DUSP10: variants seen among roughly 807,000 people sequenced by gnomAD.
The protein encoded by DUSP10 is dual specificity protein phosphatase 10.
A neutral mutation model predicts 30.8 loss-of-function variants in DUSP10; 14 were observed. The ratio of observed to expected loss-of-function variants is 0.46; its 90% CI spans 0.30 to 0.71. DUSP10 has a LOEUF of 0.71. Among genes scored for constraint, DUSP10 ranks in the 30% least tolerant of loss-of-function variants. The pLI is 0.08. For synonymous variants in DUSP10, 254 were observed against 250.4 expected, an observed-to-expected ratio of 1.01 and a Z score of -0.14; for missense variants, 550 against 619.4, an observed-to-expected ratio of 0.89 and a Z score of 1.19.
intron 2 of DUSP10, among the ~76,000 whole-genome samples, chr1:221,717,160 A>T (rs1256249054): frequency 6.6e-6 from 1 of 152,158 alleles, no homozygotes; most frequent in African/African-American, 2.4e-5. Context: ...TCTCTGAGGT[A>T]TGAGAGGGGA....
rs556155819 is a variant in DUSP10 at position 221,717,882 on chromosome 1, A to G, written c.812-11416T>C. On this transcript the variant is annotated intron_variant, in intron 2 of 3. Coordinates refer to ENST00000366899, the MANE Select transcript of DUSP10 (RefSeq NM_007207.6). ...TAACTTTCTGTTGTTTAAGCTATCCAGTCTACGGCATTTGGTTAAAGCAGC... is the reference window on the plus strand; with the variant it reads ...TAACTTTCTGTTGTTTAAGCTATCCGGTCTACGGCATTTGGTTAAAGCAGC... 2.0e-4 allele frequency among the ~76,000 whole-genome samples: 30 copies of G among 152,286 alleles called. No homozygotes were observed. The South Asian group carries it at 6.0e-3, about 31-fold the overall frequency.
At chr1:221,734,678 CTAGT>C (rs1174791536) in intron 2 of DUSP10, among the ~76,000 whole-genome samples, 8 of 151,928 alleles carry the variant, frequency 5.3e-5, no homozygotes, top group Non-Finnish European at 8.8e-5. Flanking sequence ...GGGCACATAC[CTAGT>C]TAGAGGGGAG....
At chr1:221,728,521 A>T (rs1424481134) in intron 2 of DUSP10, among the ~76,000 whole-genome samples, 1 of 152,200 alleles carries the variant, frequency 6.6e-6, no homozygotes, top group South Asian at 2.1e-4. Flanking sequence ...GAACAGAGAT[A>T]AGAAAGATTA....
intron 2 of DUSP10, among the ~76,000 whole-genome samples, chr1:221,726,334 G>A (rs1360962715): frequency 6.6e-6 from 1 of 152,092 alleles, no homozygotes; most frequent in African/African-American, 2.4e-5. Flanking sequence ...CAAAACCTTG[G>A]AAACAATCTT....
At chr1:221,723,182 C>T (rs979388274) in intron 2 of DUSP10, among the ~76,000 whole-genome samples, 2 of 152,124 alleles carry the variant, frequency 1.3e-5, no homozygotes, top group Non-Finnish European at 2.9e-5. Context: ...GAGATTACAG[C>T]CTGAAGGGTT....
At position 221,706,379 on chromosome 1, in the gene DUSP10, G is replaced by A. The variant is rs1431255288; in HGVS notation, c.899C>T (p.Ala300Val). The stretch of plus-strand genomic sequence containing the variant: ...AGGTAGCAAGCTCGAGGCCGCGGAT[G>A]CGCCGCCCCCCACCTCCCGGCACTC... Reference protein sequence around the residue: ...LQECREVGGGASAASSLLPQP... With the variant: ...LQECREVGGGVSAASSLLPQP... Residue 300 changes from alanine (A) to valine (V), a missense_variant, in exon 3 of 4, where the codon GCA (alanine) becomes GTA (valine). Transcript: ENST00000366899. The surrounding 1 kb of genome is among the most constrained non-coding windows in gnomAD (Gnocchi z 4.6). 4 of 1,589,382 alleles carry A rather than the reference G, an allele frequency of 2.5e-6. No individual in the cohort carries two copies. The highest frequency in any genetic ancestry group is 1.1e-5 in the South Asian group (1 of 87,792).
At chr1:221,723,377 T>C (rs1021523322) in intron 2 of DUSP10, among the ~76,000 whole-genome samples, 5 of 152,248 alleles carry the variant, frequency 3.3e-5, no homozygotes, top group Admixed American at 6.5e-5. Context: ...GCTGTTCTCC[T>C]AATACATACA....
intron 2 of DUSP10, among the ~76,000 whole-genome samples, chr1:221,707,094 G>C (rs1660792848): frequency 6.6e-6 from 1 of 152,142 alleles, no homozygotes; most frequent in Non-Finnish European, 1.5e-5. Context: ...TGAGGGTGAT[G>C]GTGTCTCCCT....
chr1:221,723,859 T>A (rs1661345853), intron 2 of DUSP10, among the ~76,000 whole-genome samples: 2 of 152,238 alleles, frequency 1.3e-5, no homozygotes, highest in Admixed American at 6.5e-5. Context: ...TACTTAGGCA[T>A]AATTAAATTA....
chr1:221,708,465 A>T (rs1246399441), intron 2 of DUSP10, among the ~76,000 whole-genome samples: 1 of 152,210 alleles, frequency 6.6e-6, no homozygotes, highest in Non-Finnish European at 1.5e-5. Context: ...GAAAACTCAA[A>T]GGGCAATATT....
chr1:221,702,333 AAG>A lies in DUSP10; in HGVS notation c.*77_*78del. 3 of 1,514,404 alleles carry A rather than the reference AAG, an allele frequency of 2.0e-6. No individual in the cohort carries two copies. The highest frequency in any genetic ancestry group is 2.7e-6 in the Non-Finnish European group (3 of 1,130,410). The allele number at this position is 1,514,404 out of a possible 1,614,324, so 93.8% of individuals were successfully genotyped here. ...ACTCCCAACTACAAAAAAAAAAAGA[AAG>A]AAAAAAAACCAGAATCCATCCTCCT... On this transcript the variant is annotated 3_prime_UTR_variant, in exon 4 of 4. Coordinates refer to ENST00000366899, the MANE Select transcript of DUSP10 (RefSeq NM_007207.6). The surrounding 1 kb of genome is among the most constrained non-coding windows in gnomAD (Gnocchi z 4.5).
At chr1:221,711,107 C>T (rs1178587354) in intron 2 of DUSP10, among the ~76,000 whole-genome samples, 1 of 152,200 alleles carries the variant, frequency 6.6e-6, no homozygotes, top group Non-Finnish European at 1.5e-5. Flanking sequence ...TTTCTTCTAA[C>T]ACACGGTCAG....
rs148853460 is a variant in DUSP10, at chr1:221,720,941, C to A, written c.812-14475G>T. Among the ~76,000 whole-genome samples the A allele has an allele frequency of 5.8e-3, 877 of 152,218 alleles. 6 individuals are homozygous for A. The highest frequency in any genetic ancestry group is 0.02 in the African/African-American group (833 of 41,514). On this transcript the variant is annotated intron_variant, in intron 2 of 3. Transcript: ENST00000366899. ...TTTATTGTTCTTATTAAAGTGTGGA[C>A]CCCAAGAAAGTCAAGATGTTCTTTC...
intron 2 of DUSP10, chr1:221,737,564 G>T: frequency 1.5e-6 from 1 of 655,644 alleles, no homozygotes; most frequent in Non-Finnish European, 1.9e-6. Flanking sequence ...ATGTCTAGAA[G>T]CTTCTGGAAC....
chr1:221,707,879 T>C (rs1483830184), intron 2 of DUSP10, among the ~76,000 whole-genome samples: 1 of 152,236 alleles, frequency 6.6e-6, no homozygotes, highest in East Asian at 1.9e-4. Context: ...CGAACAATTG[T>C]TTAAATTAGG....
chr1:221,720,983 G>A (rs1471241791), intron 2 of DUSP10, among the ~76,000 whole-genome samples: 3 of 152,196 alleles, frequency 2.0e-5, no homozygotes, highest in Non-Finnish European at 4.4e-5. Flanking sequence ...AGGAAATAGA[G>A]TGTAATGGTT....
chr1:221,710,256 G>C (rs1246323954), intron 2 of DUSP10, among the ~76,000 whole-genome samples: 1 of 151,810 alleles, frequency 6.6e-6, no homozygotes, highest in African/African-American at 2.4e-5. Flanking sequence ...AGAGCCCTAA[G>C]TGCAGTGCAG....
Position 221,738,690 on chromosome 1 carries a change from G to A in DUSP10, c.811+244C>T, listed in dbSNP as rs534065348. Among the ~76,000 whole-genome samples, 6 of 152,344 alleles carry A rather than the reference G, an allele frequency of 3.9e-5. No homozygotes were observed. The South Asian group carries it at 1.2e-3, about 32-fold the overall frequency. On this transcript the variant is annotated intron_variant, in intron 2 of 3. Coordinates refer to ENST00000366899, the MANE Select transcript of DUSP10 (RefSeq NM_007207.6). ...GAAAACAGTCCCAGAGAGGTGAAAT[G>A]ACTTGCACAATGCAAATTAGAACCC...
At position 221,737,325 on chromosome 1, in the gene DUSP10, C is replaced by T. The variant is rs1357440790; in HGVS notation, c.811+1609G>A. On this transcript the variant is annotated intron_variant, in intron 2 of 3. Transcript: ENST00000366899. ...ATCATTGGCTATCCTCCTCTTTGCT[C>T]CCCAAGACAAACTATTACAAATGGG... 5.1e-6 allele frequency: 5 copies of T among 985,274 alleles called. No individual in the cohort carries two copies. In the South Asian group the frequency reaches 1.9e-4, roughly 37 times the overall value. 61.0% of individuals were successfully genotyped at this position (985,274 alleles called of 1,614,324 possible).
Sources: allele counts gnomAD v4.1 joint callset (sites outside exome capture counted in the v4.1 genomes callset), GRCh38; gene constraint gnomAD v4.1.1; non-coding constraint Gnocchi (gnomAD v3.1); transcripts MANE v1.5; gene names NCBI Gene and HGNC (gene_info 2026-07-23, HGNC 2026-07-21).